The following OR51B5 variants were observed in gnomAD, a reference collection of about 807,000 sequenced individuals.
OR51B5 encodes olfactory receptor 51B5.
For synonymous variants in OR51B5, 186 were observed against 144.8 expected (o/e 1.28, Z -2.04); for missense variants, 456 against 374.6 (o/e 1.22, Z -1.79).
At chr11:5,426,457 A>C (rs189845757) in intron 1 of OR51B5, among the ~76,000 whole-genome samples, 68 of 152,330 alleles carry the variant, frequency 4.5e-4, no homozygotes, top group Non-Finnish European at 2.6e-4. Flanking sequence ...TAAATATATG[A>C]AACAACCACA....
intron 1 of OR51B5, among the ~76,000 whole-genome samples, chr11:5,406,253 T>C (rs377694110): frequency 3.9e-5 from 6 of 152,342 alleles, no homozygotes; most frequent in South Asian, 2.1e-4. Context: ...TCCTTAGATG[T>C]TTCTCAGATT....
intron 1 of OR51B5, among the ~76,000 whole-genome samples, chr11:5,462,590 A>G (rs553792934): frequency 6.6e-6 from 1 of 152,292 alleles, no homozygotes; most frequent in African/African-American, 2.4e-5. Flanking sequence ...TGTTTTAAAA[A>G]ACGACAAATG....
At chr11:5,426,191 G>A (rs1259261202) in intron 1 of OR51B5, among the ~76,000 whole-genome samples, 1 of 152,122 alleles carries the variant, frequency 6.6e-6, no homozygotes, top group African/African-American at 2.4e-5. Context: ...GTCAATCAAT[G>A]GTAGTCAAGG....
intron 1 of OR51B5, among the ~76,000 whole-genome samples, chr11:5,359,005 G>T (rs1052556677): frequency 2.0e-5 from 3 of 151,844 alleles, no homozygotes; most frequent in African/African-American, 7.3e-5. Context: ...AAAATAATAA[G>T]AGCCATCTAT....
intron 1 of OR51B5, chr11:5,453,119 A>G (rs1308735674): frequency 6.2e-6 from 1 of 161,752 alleles, no homozygotes; most frequent in Non-Finnish European, 1.3e-5. Context: ...TCTTGTGGCT[A>G]TGAATTGTAG....
At chr11:5,400,480 G>C (rs6421052) in intron 1 of OR51B5, among the ~76,000 whole-genome samples, 80,468 of 151,522 alleles carry the variant, frequency 0.53, 21,864 homozygotes, top group African/African-American at 0.65. Flanking sequence ...TACATTGCAT[G>C]CAACTTAGCC....
chr11:5,361,392 A>C (rs1308431777), intron 1 of OR51B5, among the ~76,000 whole-genome samples: 3 of 152,168 alleles, frequency 2.0e-5, no homozygotes, highest in African/African-American at 7.2e-5. Context: ...TTTTCTTTGC[A>C]GCTTGGCTTC....
At chr11:5,344,267 A>T (rs1005292111), upstream of OR51B5, among the ~76,000 whole-genome samples, 2 of 152,234 alleles carry the variant, frequency 1.3e-5, no homozygotes, top group East Asian at 3.8e-4. Context: ...CCAGCCAAAG[A>T]CATCACTTAT....
intron 1 of OR51B5, among the ~76,000 whole-genome samples, chr11:5,452,360 G>T: frequency 6.6e-6 from 1 of 151,904 alleles, no homozygotes. Flanking sequence ...AAAAAAATTA[G>T]CCGGGCATGG....
In OR51B5 at chr11:5,366,470, C is replaced by G. The variant is rs150776487; in HGVS notation, n.85-19560G>C. Among the ~76,000 whole-genome samples, 595 of 152,040 alleles carry G rather than the reference C, an allele frequency of 3.9e-3. 2 individuals carry two copies. Among genetic ancestry groups the G allele is most frequent in the African/African-American group, 0.01 (425 of 41,492 alleles). ...AAAAATACAAAAAAATTAGCAGGGC[C>G]TGGTGGCAGATGCCTGTAATTGCAG... is the stretch of plus-strand genomic sequence containing the variant. On this transcript the variant is annotated intron_variant and non_coding_transcript_variant, in intron 1 of 4. Transcript: ENST00000415970.
intron 1 of OR51B5, chr11:5,454,581 T>C (rs923158271): frequency 6.5e-6 from 4 of 612,154 alleles, no homozygotes; most frequent in Non-Finnish European, 1.1e-5. Context: ...AAACAAGGAG[T>C]TCCAAATGAA....
intron 1 of OR51B5, among the ~76,000 whole-genome samples, chr11:5,428,127 C>G (rs919610144): frequency 3.3e-5 from 5 of 151,730 alleles, no homozygotes; most frequent in Non-Finnish European, 5.9e-5. Context: ...TTATAATACT[C>G]TATATATATC....
intron 1 of OR51B5, among the ~76,000 whole-genome samples, chr11:5,493,415 G>T (rs1040189015): frequency 1.5e-4 from 23 of 152,140 alleles, no homozygotes; most frequent in African/African-American, 5.1e-4. Flanking sequence ...ATTCTAAAAA[G>T]ACATTATTTT....
chr11:5,477,738 A>G (rs1851335681), intron 1 of OR51B5, among the ~76,000 whole-genome samples: 1 of 152,154 alleles, frequency 6.6e-6, no homozygotes. Context: ...TCCGAGTCAA[A>G]GAAAGGGGTG....
At chr11:5,410,707 A>G (rs1850135494) in intron 1 of OR51B5, among the ~76,000 whole-genome samples, 1 of 152,198 alleles carries the variant, frequency 6.6e-6, no homozygotes, top group Non-Finnish European at 1.5e-5. Flanking sequence ...AGCTTCATGT[A>G]TGTTATTGTC....
intron 1 of OR51B5, chr11:5,389,608 C>A: frequency 1.2e-6 from 2 of 1,613,844 alleles, no homozygotes; most frequent in South Asian, 1.1e-5. Context: ...TGCACACACC[C>A]ATGTACTATC....
At chr11:5,375,549 G>A (rs1025353294) in intron 1 of OR51B5, among the ~76,000 whole-genome samples, 4 of 150,766 alleles carry the variant, frequency 2.7e-5, no homozygotes, top group African/African-American at 9.7e-5. Context: ...TGGATAAAGA[G>A]TGTATTCAGG....
At chr11:5,457,358 C>T (rs1437237003) in intron 1 of OR51B5, among the ~76,000 whole-genome samples, 1 of 152,198 alleles carries the variant, frequency 6.6e-6, no homozygotes, top group Non-Finnish European at 1.5e-5. Flanking sequence ...ATATGTACCA[C>T]ATTTTCTTTA....
At chr11:5,446,200 A>G (rs539203720) in intron 1 of OR51B5, among the ~76,000 whole-genome samples, 1 of 152,204 alleles carries the variant, frequency 6.6e-6, no homozygotes, top group Admixed American at 6.5e-5. Context: ...ACATGTATAC[A>G]TATGTAACAA....
Sources: allele counts gnomAD v4.1 joint callset (sites outside exome capture counted in the v4.1 genomes callset), GRCh38; gene constraint gnomAD v4.1.1; transcripts MANE v1.5; gene names NCBI Gene and HGNC (gene_info 2026-07-23, HGNC 2026-07-21).